BCAS1: variants seen among roughly 807,000 people sequenced by gnomAD.
BCAS1 encodes the protein breast carcinoma-amplified sequence 1.
A neutral mutation model predicts 65.4 loss-of-function variants in BCAS1; 46 were observed. The ratio of observed to expected loss-of-function variants is 0.70; its 90% confidence interval spans 0.55 to 0.90. The LOEUF is 0.90. Among genes scored for constraint, BCAS1 ranks in the 40% least tolerant of loss-of-function variants. The probability of loss-of-function intolerance (pLI) is 0.00; values close to 1 mark genes in which losing one functional copy is unlikely to be tolerated. For missense variants in BCAS1, 793 were observed against 771.2 expected (o/e 1.03, Z -0.33); for synonymous variants, 298 against 293.5 (o/e 1.02, Z -0.16).
intron 8 of BCAS1, among the ~76,000 whole-genome samples, chr20:53,981,536 G>A (rs961629929): frequency 6.1e-5 from 9 of 148,112 alleles, no homozygotes; most frequent in South Asian, 2.1e-4. Flanking sequence ...GTCATTTGGC[G>A]TTCTTTTTTT....
intron 6 of BCAS1, among the ~76,000 whole-genome samples, chr20:53,993,747 C>A (rs188143697): frequency 1.1e-4 from 16 of 152,306 alleles, no homozygotes; most frequent in African/African-American, 3.8e-4. Flanking sequence ...TTGAACTTGA[C>A]CCTATGACCT....
At chr20:54,047,859 G>T (rs2092138939) in intron 3 of BCAS1, among the ~76,000 whole-genome samples, 1 of 152,188 alleles carries the variant, frequency 6.6e-6, no homozygotes, top group South Asian at 2.1e-4. Context: ...ACCCTCTAGT[G>T]GTTTCCCATT....
At chr20:54,000,928 AC>A (rs1262174897) in intron 4 of BCAS1, among the ~76,000 whole-genome samples, 1 of 152,174 alleles carries the variant, frequency 6.6e-6, no homozygotes. Flanking sequence ...CAATTCTAAC[AC>A]CTGTGTCAGT....
chr20:54,069,118 C>T (rs927852273), intron 1 of BCAS1, among the ~76,000 whole-genome samples: 2 of 152,150 alleles, frequency 1.3e-5, no homozygotes, highest in African/African-American at 2.4e-5. Flanking sequence ...TGCCCCGCCC[C>T]GTCTGTTGTC....
At position 54,028,587 on chromosome 20, in the gene BCAS1, C is replaced by T. The variant is rs41296221; in HGVS notation, c.528G>A (p.Glu176=). 8.1e-5 allele frequency: 131 copies of T among 1,614,212 alleles called. No homozygotes were observed. The highest frequency in any genetic ancestry group is 1.1e-4 in the Non-Finnish European group (129 of 1,180,042). The change falls in exon 4 of 13, where the codon GAG becomes GAA. Residue 176 remains glutamate (E), a synonymous_variant. Coordinates refer to ENST00000688948, the MANE Select transcript of BCAS1 (RefSeq NM_001366298.2). ...AARDPTLLPP[E]TGGAGGEAPS... The stretch of plus-strand genomic sequence containing the variant: ...GAGCTTCTCCTCCTGCTCCCCCTGT[C>T]TCAGGTGGGAGAAGCGTGGGATCCC...
intron 7 of BCAS1, among the ~76,000 whole-genome samples, chr20:53,992,077 A>G (rs2090774907): frequency 1.3e-5 from 2 of 152,228 alleles, no homozygotes; most frequent in African/African-American, 2.4e-5. Context: ...ATGTCTTTTT[A>G]ATTAGCCAAA....
chr20:54,041,799 G>A lies in BCAS1; in HGVS notation c.143-12827C>T, dbSNP rs374952987. ...CTGTAATCTCAGCTACTTGGGAGGC[G>A]GTGGCAGGAGAATCATTTGAACCTG... is the stretch of plus-strand genomic sequence containing the variant. On this transcript the variant is annotated intron_variant, in intron 3 of 12. Coordinates refer to ENST00000688948, the MANE Select transcript of BCAS1 (RefSeq NM_001366298.2). 1.9e-4 allele frequency among the ~76,000 whole-genome samples: 28 copies of A among 151,078 alleles called. 1 individual carries two copies. The highest frequency in any genetic ancestry group is 9.7e-4 in the East Asian group (5 of 5,140).
intron 4 of BCAS1, among the ~76,000 whole-genome samples, chr20:54,024,762 T>C (rs2091634970): frequency 1.3e-5 from 2 of 152,150 alleles, no homozygotes; most frequent in Non-Finnish European, 2.9e-5. Flanking sequence ...CGGATTCAAC[T>C]TGCAGGTCAG....
chr20:53,970,173 C>T (rs1284152309), intron 9 of BCAS1, among the ~76,000 whole-genome samples: 1 of 152,208 alleles, frequency 6.6e-6, no homozygotes, highest in Admixed American at 6.5e-5. Flanking sequence ...TAAATCAATT[C>T]TATTTGGATG....
intron 12 of BCAS1, among the ~76,000 whole-genome samples, chr20:53,949,219 CA>C (rs57532407): frequency 0.16 from 24,150 of 152,158 alleles, 2,015 homozygotes; most frequent in Middle Eastern, 0.25. Context: ...CACACACACA[CA>C]CACCCAGGTT....
chr20:54,005,985 A>G (rs1164911878), intron 4 of BCAS1, among the ~76,000 whole-genome samples: 1 of 152,182 alleles, frequency 6.6e-6, no homozygotes, highest in Non-Finnish European at 1.5e-5. Context: ...AGACTGAGGA[A>G]GTGTTGACTG....
chr20:53,970,583 G>A (rs1021095501), intron 9 of BCAS1, among the ~76,000 whole-genome samples: 2 of 152,160 alleles, frequency 1.3e-5, no homozygotes, highest in East Asian at 1.9e-4. Context: ...TCAGATGTGC[G>A]CTACATTTTA....
At chr20:54,047,811 T>C (rs964806118) in intron 3 of BCAS1, among the ~76,000 whole-genome samples, 2 of 152,208 alleles carry the variant, frequency 1.3e-5, no homozygotes, top group Non-Finnish European at 2.9e-5. Context: ...AGCAAGTGGC[T>C]CAAGAGTGCT....
chr20:53,975,053 G>A (rs545036444), intron 9 of BCAS1, among the ~76,000 whole-genome samples: 116 of 152,302 alleles, frequency 7.6e-4, no homozygotes, highest in Non-Finnish European at 1.1e-3. Context: ...AGCAGTCAAG[G>A]TGGAATGAAG....
chr20:54,036,556 G>C (rs1239909820), intron 3 of BCAS1, among the ~76,000 whole-genome samples: 1 of 151,090 alleles, frequency 6.6e-6, no homozygotes, highest in Non-Finnish European at 1.5e-5. Flanking sequence ...TCTTTAAATG[G>C]ATAACCCGGG....
intron 1 of BCAS1, among the ~76,000 whole-genome samples, chr20:54,069,426 T>C (rs901448042): frequency 1.3e-5 from 2 of 152,250 alleles, no homozygotes; most frequent in African/African-American, 2.4e-5. Context: ...TGTGTTAACA[T>C]ACCGTTTATC....
intron 11 of BCAS1, among the ~76,000 whole-genome samples, chr20:53,955,915 A>AGAC (rs1749362284): frequency 6.6e-6 from 1 of 152,254 alleles, no homozygotes; most frequent in African/African-American, 2.4e-5. Flanking sequence ...GCTTGTCTTA[A>AGAC]AAGCTTAAAT....
intron 11 of BCAS1, among the ~76,000 whole-genome samples, 179 bp from the exon 12 acceptor site, chr20:53,953,874 G>A (rs1170296429): frequency 1.3e-5 from 2 of 152,088 alleles, no homozygotes; most frequent in African/African-American, 4.8e-5. Flanking sequence ...TCATGGTGGG[G>A]ACATTTATTT....
intron 4 of BCAS1, among the ~76,000 whole-genome samples, chr20:53,999,242 T>C (rs1004839225): frequency 6.6e-6 from 1 of 152,230 alleles, no homozygotes; most frequent in Non-Finnish European, 1.5e-5. Flanking sequence ...AGTACTGCAC[T>C]TATAACTTGT....
Sources: gnomAD v4.1 joint callset for allele counts (sites outside exome capture counted in the v4.1 genomes callset) on GRCh38, gnomAD v4.1.1 for gene constraint, MANE v1.5 for transcripts, NCBI Gene and HGNC (gene_info 2026-07-23, HGNC 2026-07-21) for gene names.